RNGTT: variants seen among roughly 807,000 people sequenced by gnomAD.
RNGTT encodes the protein RNA guanylyltransferase and 5'-phosphatase.
RNGTT carries 33 observed loss-of-function variants against 79.3 expected under a neutral mutation model. That is an observed-to-expected ratio of 0.42 (90% CI 0.32 to 0.56). The LOEUF (loss-of-function observed/expected upper bound fraction) is 0.56. Ranked by LOEUF, RNGTT falls within the 20% of genes least tolerant of loss-of-function variation. RNGTT has a pLI of 0.17. For synonymous variants in RNGTT, 222 were observed against 235.9 expected, an observed-to-expected ratio of 0.94 and a Z score of 0.54; for missense variants, 497 against 739.1, an observed-to-expected ratio of 0.67 and a Z score of 3.80.
chr6:88,660,936 A>C (rs1774159579), intron 14 of RNGTT, among the ~76,000 whole-genome samples: 1 of 152,216 alleles, frequency 6.6e-6, no homozygotes, highest in African/African-American at 2.4e-5. Flanking sequence ...AGTCTCAATA[A>C]ATTTAAGATA....
At chr6:88,699,822 C>T (rs2756363) in intron 13 of RNGTT, among the ~76,000 whole-genome samples, 1 of 152,008 alleles carries the variant, frequency 6.6e-6, no homozygotes, top group African/African-American at 2.4e-5. Flanking sequence ...CACAAAAAGA[C>T]AAATATTGTA....
chr6:88,652,217 CAA>C (rs978889971), intron 14 of RNGTT, among the ~76,000 whole-genome samples: 1 of 152,022 alleles, frequency 6.6e-6, no homozygotes, highest in African/African-American at 2.4e-5. Flanking sequence ...GTAAAACTGT[CAA>C]TATCCAAATG....
chr6:88,728,638 C>T (rs1157525470), intron 13 of RNGTT, among the ~76,000 whole-genome samples: 1 of 152,112 alleles, frequency 6.6e-6, no homozygotes, highest in Non-Finnish European at 1.5e-5. Context: ...AAGTTGGTTC[C>T]CTTCTTTAAG....
intron 13 of RNGTT, among the ~76,000 whole-genome samples, chr6:88,691,565 G>T (rs1775483452): frequency 6.6e-6 from 1 of 152,182 alleles, no homozygotes; most frequent in Non-Finnish European, 1.5e-5. Context: ...CACAGAGGTT[G>T]GGATACTGGC....
intron 11 of RNGTT, among the ~76,000 whole-genome samples, chr6:88,835,975 AAC>A (rs72228554): frequency 0.057 from 6,426 of 113,636 alleles, 168 homozygotes; most frequent in East Asian, 0.071. Flanking sequence ...CTCTATTAAA[AAC>A]ACACACACAC....
At chr6:88,892,826 C>T (rs1783095745) in intron 6 of RNGTT, among the ~76,000 whole-genome samples, 3 of 152,164 alleles carry the variant, frequency 2.0e-5, no homozygotes, top group Admixed American at 2.0e-4. Flanking sequence ...ATCTGAGCCA[C>T]TTGAGAAAAG....
At chr6:88,919,733 T>TTTTTTTG (rs58419557) in intron 4 of RNGTT, among the ~76,000 whole-genome samples, 7 of 142,118 alleles carry the variant, frequency 4.9e-5, no homozygotes, top group South Asian at 2.1e-4. Context: ...TTTTTTTTTT[T>TTTTTTTG]GAGACGGAGT....
chr6:88,898,645 T>A (rs1783334343), intron 6 of RNGTT, among the ~76,000 whole-genome samples: 1 of 150,654 alleles, frequency 6.6e-6, no homozygotes, highest in Non-Finnish European at 1.5e-5. Flanking sequence ...AATATATAAT[T>A]TTTAGTATAT....
intron 13 of RNGTT, among the ~76,000 whole-genome samples, chr6:88,728,260 T>TTGG (rs1776987748): frequency 6.6e-6 from 1 of 152,254 alleles, no homozygotes; most frequent in African/African-American, 2.4e-5. Flanking sequence ...GCTTGCCTTG[T>TTGG]TATACCCTGT....
intron 13 of RNGTT, among the ~76,000 whole-genome samples, chr6:88,682,536 A>T (rs1775128833): frequency 6.6e-6 from 1 of 152,214 alleles, no homozygotes; most frequent in Non-Finnish European, 1.5e-5. Flanking sequence ...TTCTAGTGGG[A>T]TGTAAATTTA....
chr6:88,721,132 T>C (rs1776696175), intron 13 of RNGTT, among the ~76,000 whole-genome samples: 1 of 152,078 alleles, frequency 6.6e-6, no homozygotes, highest in African/African-American at 2.4e-5. Context: ...GAAAGGTACC[T>C]AATTTTTATA....
At chr6:88,652,988 A>G (rs918407421) in intron 14 of RNGTT, among the ~76,000 whole-genome samples, 1 of 152,198 alleles carries the variant, frequency 6.6e-6, no homozygotes, top group African/African-American at 2.4e-5. Context: ...CTAGACATTT[A>G]ATATGAATCT....
intron 12 of RNGTT, among the ~76,000 whole-genome samples, chr6:88,792,428 T>C (rs1179718742): frequency 2.0e-5 from 3 of 152,182 alleles, no homozygotes; most frequent in Non-Finnish European, 4.4e-5. Context: ...TTGATGACAA[T>C]GTATAAGCAC....
At chr6:88,915,899 A>T (rs1021300788) in intron 4 of RNGTT, among the ~76,000 whole-genome samples, 29 of 152,126 alleles carry the variant, frequency 1.9e-4, no homozygotes, top group Non-Finnish European at 2.6e-4. Flanking sequence ...ACAAATAAAA[A>T]TTTTTTTTTA....
intron 13 of RNGTT, among the ~76,000 whole-genome samples, chr6:88,733,147 C>A (rs1777168567): frequency 6.6e-6 from 1 of 152,028 alleles, no homozygotes; most frequent in South Asian, 2.1e-4. Context: ...GATGGCTTGA[C>A]CTCAGGAGTT....
chr6:88,847,068 C>A (rs1354563880), intron 10 of RNGTT, among the ~76,000 whole-genome samples: 1 of 151,902 alleles, frequency 6.6e-6, no homozygotes, highest in Admixed American at 6.6e-5. Context: ...TTAAAAAATG[C>A]CTGTTTTTTA....
At chr6:88,919,229 T>A (rs1033477689) in intron 4 of RNGTT, among the ~76,000 whole-genome samples, 2 of 152,212 alleles carry the variant, frequency 1.3e-5, no homozygotes, top group African/African-American at 4.8e-5. Flanking sequence ...TGAGAATGGG[T>A]CCATCTAGTG....
At chr6:88,860,349 T>G (rs796887293) in intron 8 of RNGTT, among the ~76,000 whole-genome samples, 31 of 152,250 alleles carry the variant, frequency 2.0e-4, no homozygotes, top group African/African-American at 7.5e-4. Flanking sequence ...ATGGACACCA[T>G]GAGTTTAGAT....
intron 11 of RNGTT, among the ~76,000 whole-genome samples, chr6:88,826,922 A>G (rs1356298078): frequency 6.6e-6 from 1 of 150,480 alleles, no homozygotes; most frequent in East Asian, 1.9e-4. Context: ...AAATACCTCC[A>G]TCATTTCAAC....
Sources: gnomAD v4.1 joint callset for allele counts (sites outside exome capture counted in the v4.1 genomes callset) on GRCh38, gnomAD v4.1.1 for gene constraint, MANE v1.5 for transcripts, NCBI Gene and HGNC (gene_info 2026-07-23, HGNC 2026-07-21) for gene names.